The following CNGB3 variants were observed in gnomAD, a reference collection of about 807,000 sequenced individuals.
CNGB3 encodes the protein cyclic nucleotide gated channel subunit beta 3, also known as cyclic nucleotide-gated channel beta-3.
CNGB3 carries 86 observed loss-of-function variants against 92.8 expected under a neutral mutation model. That is an observed-to-expected ratio of 0.93 (90% CI 0.78 to 1.11). The LOEUF (loss-of-function observed/expected upper bound fraction) is 1.11, where lower values mean the gene tolerates loss of function less well. Ranked by LOEUF, CNGB3 falls within the 50% of genes least tolerant of loss-of-function variation. The pLI is 0.00. For missense variants in CNGB3, 1,026 were observed against 956.8 expected, an observed-to-expected ratio of 1.07 and a Z score of -0.95; for synonymous variants, 333 against 332.7, an observed-to-expected ratio of 1.00 and a Z score of -0.01.
At chr8:86,623,168 T>A (rs1822775233) in intron 13 of CNGB3, among the ~76,000 whole-genome samples, 1 of 152,174 alleles carries the variant, frequency 6.6e-6, no homozygotes, top group Non-Finnish European at 1.5e-5. Flanking sequence ...TGGCTTGAAA[T>A]ACACCAATAT....
At chr8:86,661,506 A>G in intron 6 of CNGB3, 3 of 651,142 alleles carry the variant, frequency 4.6e-6, no homozygotes, top group Non-Finnish European at 8.8e-6. Flanking sequence ...CACTGACCCA[A>G]ACACCACATC....
intron 15 of CNGB3, chr8:86,594,499 C>A: frequency 3.3e-6 from 1 of 305,446 alleles, no homozygotes; most frequent in South Asian, 3.0e-5. Flanking sequence ...ACACGTAGCT[C>A]TGGAAGCCAG....
chr8:86,585,781 C>T (rs115716162), intron 15 of CNGB3, among the ~76,000 whole-genome samples: 2,980 of 152,130 alleles, frequency 0.02, 94 homozygotes, highest in African/African-American at 0.067. Context: ...GCGATAGACA[C>T]AACAATAAGC....
intron 6 of CNGB3, among the ~76,000 whole-genome samples, chr8:86,654,281 C>G (rs568360456): frequency 6.6e-6 from 1 of 152,218 alleles, no homozygotes; most frequent in African/African-American, 2.4e-5. Flanking sequence ...AAGAGAGTTG[C>G]CTACCTGCTT....
At chr8:86,725,160 A>C (rs1165913925) in intron 3 of CNGB3, among the ~76,000 whole-genome samples, 2 of 152,178 alleles carry the variant, frequency 1.3e-5, no homozygotes, top group African/African-American at 4.8e-5. Flanking sequence ...GGTTATTGTA[A>C]AAAATAAACA....
At chr8:86,717,746 T>C (rs528578731) in intron 3 of CNGB3, among the ~76,000 whole-genome samples, 3 of 152,138 alleles carry the variant, frequency 2.0e-5, no homozygotes, top group African/African-American at 4.8e-5. Context: ...TTCTTCAAGA[T>C]AGATCACATG....
rs116349785 is a variant in CNGB3 at position 86,715,320 on chromosome 8, A to G, written c.338+11211T>C. On this transcript the variant is annotated intron_variant, in intron 3 of 17. Transcript: ENST00000320005. The stretch of plus-strand genomic sequence containing the variant: ...ATTCCCCTGCTATCTCCACTGGAGC[A>G]GGTTTTGGTATCCATGGCTGAGAGA... 5.0e-3 allele frequency among the ~76,000 whole-genome samples: 760 copies of G among 152,270 alleles called. 4 individuals carry two copies. Among genetic ancestry groups the G allele is most frequent in the African/African-American group, 0.017 (719 of 41,554 alleles).
intron 3 of CNGB3, among the ~76,000 whole-genome samples, chr8:86,684,224 G>T (rs919053735): frequency 1.3e-5 from 2 of 152,066 alleles, no homozygotes; most frequent in African/African-American, 4.8e-5. Context: ...ATATGCAGAT[G>T]GCAAATAAGT....
intron 2 of CNGB3, among the ~76,000 whole-genome samples, chr8:86,739,441 T>C (rs1435415620): frequency 6.6e-6 from 1 of 152,210 alleles, no homozygotes; most frequent in African/African-American, 2.4e-5. Flanking sequence ...GCCTGGCACA[T>C]GTCAGGTGAT....
intron 6 of CNGB3, chr8:86,661,723 T>C: frequency 1.3e-6 from 2 of 1,494,828 alleles, no homozygotes; most frequent in Non-Finnish European, 1.9e-6. Flanking sequence ...GACCCATGGG[T>C]AGTGGTTGAT....
intron 3 of CNGB3, among the ~76,000 whole-genome samples, chr8:86,686,642 AG>A (rs1824193705): frequency 1.2e-5 from 1 of 83,042 alleles, no homozygotes; most frequent in African/African-American, 7.1e-5. Context: ...ACCTAAATAC[AG>A]GGTGTTCTGC....
intron 11 of CNGB3, 138 bp downstream of exon 11, chr8:86,632,614 C>T: frequency 1.2e-6 from 1 of 865,686 alleles, no homozygotes; most frequent in Non-Finnish European, 1.8e-6. Context: ...CCTCCTTCAA[C>T]TCATTAAAAT....
intron 3 of CNGB3, among the ~76,000 whole-genome samples, chr8:86,673,177 T>A (rs1823895737): frequency 6.6e-6 from 1 of 152,238 alleles, no homozygotes; most frequent in Admixed American, 6.5e-5. Context: ...AACAAGGATG[T>A]CAATCCATAG....
At chr8:86,736,201 G>C (rs1427734317) in intron 2 of CNGB3, among the ~76,000 whole-genome samples, 4 of 152,154 alleles carry the variant, frequency 2.6e-5, no homozygotes, top group African/African-American at 9.7e-5. Flanking sequence ...TGCATGTTTT[G>C]AAGTGAACAC....
intron 11 of CNGB3, among the ~76,000 whole-genome samples, chr8:86,629,564 T>G (rs372988309): frequency 6.6e-6 from 1 of 152,224 alleles, no homozygotes; most frequent in Admixed American, 6.5e-5. Flanking sequence ...GAATGCATCC[T>G]TCATAGATTA....
chr8:86,732,232 G>A (rs1825169448), intron 2 of CNGB3, among the ~76,000 whole-genome samples: 1 of 152,146 alleles, frequency 6.6e-6, no homozygotes, highest in Non-Finnish European at 1.5e-5. Flanking sequence ...GCTCTTTTAA[G>A]CGAGGGAGCT....
At chr8:86,578,544 T>G in intron 17 of CNGB3, 145 bp downstream of exon 17, 1 of 792,650 alleles carries the variant, frequency 1.3e-6, no homozygotes, top group Non-Finnish European at 2.2e-6. Flanking sequence ...AATAATAATG[T>G]GCTATATATA....
Position 86,575,102 on chromosome 8 carries a change from T to C in CNGB3, c.*702A>G, listed in dbSNP as rs181725778. The C allele has an allele frequency of 1.3e-5, 2 of 152,316 alleles. No individual in the cohort carries two copies. The highest frequency in any genetic ancestry group is 1.3e-4 in the Admixed American group (2 of 15,300). 9.4% of individuals were successfully genotyped at this position (152,316 alleles called of 1,614,324 possible). A position where few individuals can be genotyped will look rare whatever the true frequency, so the allele number is the denominator to read the frequency against. ...TTTAAGTTGGTTAGAAGAGAAAATA[T>C]TGAAGTTTATTTCTTTAGTAAAGGG... On this transcript the variant is annotated 3_prime_UTR_variant, in exon 18 of 18. Coordinates refer to ENST00000320005, the MANE Select transcript of CNGB3 (RefSeq NM_019098.5).
chr8:86,684,541 G>A (rs12550645), intron 3 of CNGB3, among the ~76,000 whole-genome samples: 14,112 of 151,788 alleles, frequency 0.093, 704 homozygotes, highest in East Asian at 0.13. Flanking sequence ...ACAAAAACTT[G>A]TGCACACATA....
Sources: gnomAD v4.1 joint callset for allele counts (sites outside exome capture counted in the v4.1 genomes callset) on GRCh38, gnomAD v4.1.1 for gene constraint, MANE v1.5 for transcripts, NCBI Gene and HGNC (gene_info 2026-07-23, HGNC 2026-07-21) for gene names.